The following PDE4B variants were observed in gnomAD, a reference collection of about 807,000 sequenced individuals.
PDE4B encodes the protein 3',5'-cyclic-AMP phosphodiesterase 4B.
In PDE4B, 20 loss-of-function variants were observed where a neutral mutation model predicts 82.2. That is an observed-to-expected ratio of 0.24 (90% confidence interval 0.17 to 0.35). PDE4B has a LOEUF of 0.35. Ranked by LOEUF, PDE4B falls within the 10% of genes least tolerant of loss-of-function variation. The pLI is 1.00. For missense variants in PDE4B, 655 were observed against 907.2 expected, an observed-to-expected ratio of 0.72 and a Z score of 3.57; for synonymous variants, 320 against 318.9, an observed-to-expected ratio of 1.00 and a Z score of -0.04.
intron 7 of PDE4B, among the ~76,000 whole-genome samples, chr1:66,311,775 A>G (rs1658687713): frequency 6.6e-6 from 1 of 152,224 alleles, no homozygotes; most frequent in Non-Finnish European, 1.5e-5. Context: ...TAAAGCAGCA[A>G]AGTGTATTCC....
chr1:66,314,394 G>GT (rs1307966053), intron 7 of PDE4B, among the ~76,000 whole-genome samples: 1 of 151,988 alleles, frequency 6.6e-6, no homozygotes, highest in East Asian at 1.9e-4. Flanking sequence ...TGGCTCCACT[G>GT]TTTTTTGTTT....
At chr1:66,253,806 A>C (rs1194415819) in intron 4 of PDE4B, among the ~76,000 whole-genome samples, 1 of 152,240 alleles carries the variant, frequency 6.6e-6, no homozygotes, top group Non-Finnish European at 1.5e-5. Flanking sequence ...ATTTTCTAAC[A>C]TACAGCATTA....
intron 1 of PDE4B, among the ~76,000 whole-genome samples, chr1:65,889,616 A>G (rs1308705535): frequency 6.6e-6 from 1 of 152,170 alleles, no homozygotes; most frequent in Non-Finnish European, 1.5e-5. Context: ...TGCTTCTCAA[A>G]CTATTTGTCC....
intron 3 of PDE4B, among the ~76,000 whole-genome samples, chr1:66,139,923 A>G (rs1417637695): frequency 6.6e-6 from 1 of 152,108 alleles, no homozygotes; most frequent in Non-Finnish European, 1.5e-5. Flanking sequence ...TTCTTTACCT[A>G]TATGAGGTAC....
At chr1:66,087,784 C>T (rs900282222) in intron 3 of PDE4B, among the ~76,000 whole-genome samples, 10 of 147,356 alleles carry the variant, frequency 6.8e-5, no homozygotes, top group South Asian at 6.3e-4. Flanking sequence ...AACCAAACAC[C>T]GCATATTCTC....
In PDE4B at chr1:66,373,121, A is replaced by T. The variant is rs575310126; in HGVS notation, c.*443A>T. ...TTTCATGTCTTTAAAATGCCTGTTG[A>T]ATACCTGGAGTTTAGTATCAACTTC... On this transcript the variant is annotated 3_prime_UTR_variant, in exon 17 of 17. Coordinates refer to ENST00000341517, the MANE Select transcript of PDE4B (RefSeq NM_002600.4). 1.8e-5 allele frequency: 3 copies of T among 163,358 alleles called. No individual in the cohort carries two copies. Among genetic ancestry groups the T allele is most frequent in the East Asian group, 3.4e-4 (2 of 5,918 alleles). The allele number at this position is 163,358 out of a possible 1,614,324, so 10.1% of individuals were successfully genotyped here. A position where few individuals can be genotyped will look rare whatever the true frequency, so the allele number is the denominator to read the frequency against.
chr1:65,979,564 G>C (rs959371848), intron 3 of PDE4B, among the ~76,000 whole-genome samples: 1 of 152,194 alleles, frequency 6.6e-6, no homozygotes, highest in African/African-American at 2.4e-5. Flanking sequence ...GCAAATTCAA[G>C]GCAAGGCTTA....
chr1:65,961,104 T>A (rs926191696), intron 3 of PDE4B, among the ~76,000 whole-genome samples: 4 of 152,146 alleles, frequency 2.6e-5, no homozygotes, highest in Non-Finnish European at 5.9e-5. Context: ...AGGTGACATA[T>A]GTGGATCACA....
chr1:66,176,302 A>C (rs2101370814), intron 3 of PDE4B, among the ~76,000 whole-genome samples: 1 of 152,328 alleles, frequency 6.6e-6, no homozygotes, highest in African/African-American at 2.4e-5. Context: ...AAAACCACAG[A>C]TCTAACACAG....
intron 1 of PDE4B, among the ~76,000 whole-genome samples, chr1:65,799,890 C>T (rs550663516): frequency 1.6e-4 from 25 of 152,290 alleles, no homozygotes; most frequent in Admixed American, 1.5e-3. Flanking sequence ...TATTAAGATT[C>T]CTTAGAAAGA....
chr1:66,353,763 C>A (rs906168557), intron 8 of PDE4B, among the ~76,000 whole-genome samples: 3 of 151,934 alleles, frequency 2.0e-5, no homozygotes, highest in Non-Finnish European at 2.9e-5. Flanking sequence ...CTCAACATGC[C>A]CTGGATTGCT....
chr1:66,108,452 G>A (rs1261478135), intron 3 of PDE4B, among the ~76,000 whole-genome samples: 4 of 151,920 alleles, frequency 2.6e-5, no homozygotes, highest in Non-Finnish European at 5.9e-5. Context: ...AAATGCTATT[G>A]CATCACACTA....
At chr1:66,334,510 T>A (rs1047164712) in intron 8 of PDE4B, among the ~76,000 whole-genome samples, 31 of 152,166 alleles carry the variant, frequency 2.0e-4, no homozygotes, top group African/African-American at 7.5e-4. Context: ...TCCTCCTTTA[T>A]GGTGTTGTGT....
chr1:65,887,732 A>G (rs1021905195), intron 1 of PDE4B, among the ~76,000 whole-genome samples: 12 of 151,910 alleles, frequency 7.9e-5, no homozygotes, highest in Admixed American at 2.6e-4. Flanking sequence ...ACTTATTTTC[A>G]TATACCTATT....
chr1:66,276,841 G>A (rs1383317599), intron 7 of PDE4B, among the ~76,000 whole-genome samples: 1 of 152,068 alleles, frequency 6.6e-6, no homozygotes, highest in Non-Finnish European at 1.5e-5. Flanking sequence ...CTATGATATT[G>A]GCTCACTTTT....
At chr1:66,062,317 T>C (rs1376860451) in intron 3 of PDE4B, among the ~76,000 whole-genome samples, 1 of 152,078 alleles carries the variant, frequency 6.6e-6, no homozygotes, top group Non-Finnish European at 1.5e-5. Flanking sequence ...GGCACCTAAA[T>C]AAAAATGGCA....
rs1424252532 is a variant in PDE4B, at chr1:66,373,368, C to T, written c.*690C>T. 1 of 152,588 alleles carries T rather than the reference C, an allele frequency of 6.6e-6. No homozygotes were observed. Among genetic ancestry groups the T allele is most frequent in the East Asian group, 1.9e-4 (1 of 5,202 alleles). The allele number at this position is 152,588 out of a possible 1,614,324, so 9.5% of individuals were successfully genotyped here. ...AAAACTTCTCTCTGTTTGCCTGCCT[C>T]CAACAGTACTTTTAACTTTTTGCTG... is the stretch of plus-strand genomic sequence containing the variant. On this transcript the variant is annotated 3_prime_UTR_variant, in exon 17 of 17. Coordinates refer to ENST00000341517, the MANE Select transcript of PDE4B (RefSeq NM_002600.4).
At chr1:66,172,341 C>A (rs1379552189) in intron 3 of PDE4B, among the ~76,000 whole-genome samples, 1 of 152,174 alleles carries the variant, frequency 6.6e-6, no homozygotes, top group Non-Finnish European at 1.5e-5. Context: ...TTTCTTTATC[C>A]AATTCACTGT....
rs1019089241 is a variant in PDE4B at position 66,128,739 on chromosome 1, C to A, written c.282-118721C>A. Among the ~76,000 whole-genome samples the A allele has an allele frequency of 2.6e-5, 4 of 152,298 alleles. No individual in the cohort carries two copies. The South Asian group carries it at 6.2e-4, about 24-fold the overall frequency. ...GAGGTTTAATGGACTCACAGTTCCA[C>A]ATGGCTAGGGAGGTCTCACAATCAT... is the stretch of plus-strand genomic sequence containing the variant. On this transcript the variant is annotated intron_variant, in intron 3 of 16. Transcript: ENST00000341517.
Sources: allele counts gnomAD v4.1 joint callset (sites outside exome capture counted in the v4.1 genomes callset), GRCh38; gene constraint gnomAD v4.1.1; transcripts MANE v1.5; gene names NCBI Gene and HGNC (gene_info 2026-07-23, HGNC 2026-07-21).